The following MEI4 variants were observed in gnomAD, a reference collection of about 807,000 sequenced individuals.
The protein encoded by MEI4 is meiotic double-stranded break formation protein 4.
A neutral mutation model predicts 31.4 loss-of-function variants in MEI4; 27 were observed. The ratio of observed to expected loss-of-function variants is 0.86; its 90% CI spans 0.63 to 1.19. The LOEUF (loss-of-function observed/expected upper bound fraction) is 1.19, where lower values mean the gene tolerates loss of function less well. Among genes scored for constraint, MEI4 ranks in the 50% most tolerant of loss-of-function variants. The pLI is 0.00. For missense variants in MEI4, 329 were observed against 398.9 expected, an observed-to-expected ratio of 0.82 and a Z score of 1.49; for synonymous variants, 122 against 145.4, an observed-to-expected ratio of 0.84 and a Z score of 1.16.
chr6:77,794,345 C>T (rs1055971414), intron 3 of MEI4, among the ~76,000 whole-genome samples: 7 of 152,180 alleles, frequency 4.6e-5, no homozygotes, highest in South Asian at 2.1e-4. Context: ...GGGTGGATCA[C>T]GAGGTCAGGA....
intron 3 of MEI4, among the ~76,000 whole-genome samples, chr6:77,823,605 AAG>A (rs1472934548): frequency 3.3e-5 from 5 of 152,196 alleles, no homozygotes; most frequent in Non-Finnish European, 7.4e-5. Flanking sequence ...CATTTCTGAG[AAG>A]AGAGTTTTTG....
chr6:77,782,048 G>A (rs905587316), intron 3 of MEI4, among the ~76,000 whole-genome samples: 1 of 152,116 alleles, frequency 6.6e-6, no homozygotes, highest in Non-Finnish European at 1.5e-5. Context: ...GGAAACAGAA[G>A]AATTGACCTT....
chr6:77,869,981 G>C (rs1217715620), intron 4 of MEI4, among the ~76,000 whole-genome samples: 1 of 152,154 alleles, frequency 6.6e-6, no homozygotes, highest in East Asian at 1.9e-4. Flanking sequence ...ATTCCCTCTT[G>C]TCAGAGCTCT....
At chr6:77,857,868 G>A (rs1304514100) in intron 4 of MEI4, among the ~76,000 whole-genome samples, 1 of 152,176 alleles carries the variant, frequency 6.6e-6, no homozygotes, top group African/African-American at 2.4e-5. Context: ...CGTATGTATT[G>A]AGGGAATACT....
At chr6:77,798,210 G>C (rs1337050892) in intron 3 of MEI4, among the ~76,000 whole-genome samples, 6 of 149,696 alleles carry the variant, frequency 4.0e-5, no homozygotes, top group Non-Finnish European at 9.0e-5. Flanking sequence ...GTATACATTT[G>C]ATGCAAAAAA....
chr6:77,714,759 C>G (rs1766542768), intron 2 of MEI4, among the ~76,000 whole-genome samples: 1 of 152,190 alleles, frequency 6.6e-6, no homozygotes, highest in Admixed American at 6.5e-5. Context: ...GCCCCTGCCT[C>G]TGTGCCCTCA....
chr6:77,899,401 G>A (rs1766145562), intron 4 of MEI4, among the ~76,000 whole-genome samples: 1 of 152,038 alleles, frequency 6.6e-6, no homozygotes, highest in African/African-American at 2.4e-5. Context: ...TATATAAAAT[G>A]TGATTAGATA....
intron 4 of MEI4, among the ~76,000 whole-genome samples, chr6:77,886,370 A>T (rs1248045182): frequency 6.6e-6 from 1 of 151,810 alleles, no homozygotes; most frequent in Non-Finnish European, 1.5e-5. Context: ...GTGTCTTCTC[A>T]AGTCAATCTT....
chr6:77,867,224 G>A (rs1333768385), intron 4 of MEI4, among the ~76,000 whole-genome samples: 3 of 152,164 alleles, frequency 2.0e-5, no homozygotes, highest in Admixed American at 1.3e-4. Context: ...ATTGACAAAT[G>A]GGATCTAATT....
rs1766836166 is a variant in MEI4, at chr6:77,926,031, A to G, written c.*2685A>G. 1.3e-5 allele frequency: 2 copies of G among 151,778 alleles called. No individual in the cohort carries two copies. Among genetic ancestry groups the G allele is most frequent in the South Asian group, 4.1e-4 (2 of 4,830 alleles). 9.4% of individuals were successfully genotyped at this position (151,778 alleles called of 1,614,324 possible). A position where few individuals can be genotyped will look rare whatever the true frequency, so the allele number is the denominator to read the frequency against. ...ACTTGCCCAAGTTCACAACACCAGG[A>G]AGTGGCAGTTAGGTTTCATCCTGAG... is the stretch of plus-strand genomic sequence containing the variant. On this transcript the variant is annotated 3_prime_UTR_variant, in exon 5 of 5. Transcript: ENST00000684080.
intron 4 of MEI4, among the ~76,000 whole-genome samples, chr6:77,897,516 T>TTA (rs751445348): frequency 4.0e-4 from 61 of 151,736 alleles, no homozygotes; most frequent in Non-Finnish European, 5.3e-4. Flanking sequence ...TTTAAAATTG[T>TTA]TATATATATA....
intron 3 of MEI4, among the ~76,000 whole-genome samples, chr6:77,781,279 G>T (rs1384776259): frequency 6.6e-6 from 1 of 152,046 alleles, no homozygotes; most frequent in Admixed American, 6.6e-5. Context: ...GATAATTAGG[G>T]ATTGCTTTTG....
intron 2 of MEI4, among the ~76,000 whole-genome samples, chr6:77,715,645 TGTAC>T (rs1402515718): frequency 1.3e-5 from 2 of 152,194 alleles, no homozygotes; most frequent in Non-Finnish European, 2.9e-5. Context: ...ATATCCCTAA[TGTAC>T]TTACAGAGTT....
chr6:77,850,889 C>T (rs145999571), intron 4 of MEI4, among the ~76,000 whole-genome samples: 6,679 of 151,206 alleles, frequency 0.044, 428 homozygotes, highest in African/African-American at 0.13. Context: ...TCTACTCATC[C>T]GACAAAGGGC....
chr6:77,814,983 C>T (rs906317523), intron 3 of MEI4, among the ~76,000 whole-genome samples: 4 of 152,054 alleles, frequency 2.6e-5, no homozygotes, highest in African/African-American at 9.7e-5. Context: ...GTGTTCTGTG[C>T]CCACTGTACC....
intron 1 of MEI4, among the ~76,000 whole-genome samples, chr6:77,658,945 T>C (rs1312548630): frequency 2.6e-5 from 4 of 152,076 alleles, no homozygotes; most frequent in African/African-American, 7.2e-5. Flanking sequence ...AAAACAACAC[T>C]CCTCATTTAA....
chr6:77,704,584 A>G (rs1392148779), intron 2 of MEI4, among the ~76,000 whole-genome samples: 1 of 152,154 alleles, frequency 6.6e-6, no homozygotes, highest in African/African-American at 2.4e-5. Context: ...CTCAGATCCC[A>G]CCATTCCTGA....
intron 2 of MEI4, among the ~76,000 whole-genome samples, chr6:77,753,715 C>T (rs1767842220): frequency 6.6e-6 from 1 of 152,060 alleles, no homozygotes; most frequent in African/African-American, 2.4e-5. Flanking sequence ...GATCTAGAAC[C>T]AGAAATACCA....
rs569236916 is a variant in MEI4 at position 77,799,268 on chromosome 6, T to C, written c.769-29663T>C. Among the ~76,000 whole-genome samples the C allele has an allele frequency of 1.2e-4, 19 of 152,280 alleles. No individual in the cohort carries two copies. In the South Asian group the frequency reaches 3.9e-3, roughly 32 times the overall value. On this transcript the variant is annotated intron_variant, in intron 3 of 4. Coordinates refer to ENST00000684080, the MANE Select transcript of MEI4 (RefSeq NM_001322247.2). Reference sequence around the variant, plus strand: ...GTGATGGTGAGCATTTTTTCCTGTGTTTTTTGGCTGCATAAATGTCTTCTT... The same window carrying C: ...GTGATGGTGAGCATTTTTTCCTGTGCTTTTTGGCTGCATAAATGTCTTCTT...
Sources: gnomAD v4.1 joint callset for allele counts (sites outside exome capture counted in the v4.1 genomes callset) on GRCh38, gnomAD v4.1.1 for gene constraint, MANE v1.5 for transcripts, NCBI Gene and HGNC (gene_info 2026-07-23, HGNC 2026-07-21) for gene names.